Variants in CDKL5 observed in about 807,000 individuals in gnomAD.
CDKL5 encodes cyclin-dependent kinase-like 5.
CDKL5 carries 8 observed loss-of-function variants against 61.7 expected under a neutral mutation model. The ratio of observed to expected loss-of-function variants is 0.13; its 90% CI spans 0.08 to 0.23. The LOEUF (loss-of-function observed/expected upper bound fraction) is 0.23, where lower values mean the gene tolerates loss of function less well. Ranked by LOEUF, CDKL5 falls within the 10% of genes least tolerant of loss-of-function variation. CDKL5 has a pLI of 1.00. For synonymous variants in CDKL5, 275 were observed against 272.3 expected, an observed-to-expected ratio of 1.01 and a Z score of -0.10; for missense variants, 440 against 734.5, an observed-to-expected ratio of 0.60 and a Z score of 4.63.
chrX:18,617,096 G>A (rs747628218), intron 15 of CDKL5, among the ~76,000 whole-genome samples: 1 of 112,275 alleles, frequency 8.9e-6, no homozygotes, highest in South Asian at 3.7e-4. Flanking sequence ...AGTACTTGCT[G>A]AATGTTGGTT....
At chrX:18,495,093 A>C (rs919114889) in intron 1 of CDKL5, among the ~76,000 whole-genome samples, 1 of 112,371 alleles carries the variant, frequency 8.9e-6, no homozygotes, top group African/African-American at 3.2e-5. Context: ...CAACCATTTG[A>C]ACTCTCTTAT....
intron 2 of CDKL5, 147 bp from the exon 3 acceptor site, chrX:18,510,673 C>T: frequency 6.3e-6 from 3 of 474,273 alleles, no homozygotes; most frequent in Non-Finnish European, 1.1e-5. Flanking sequence ...AAGTATGTTC[C>T]ATTTGTATGT....
At chrX:18,623,159 G>A (rs754160474) in intron 16 of CDKL5, among the ~76,000 whole-genome samples, 26 of 112,356 alleles carry the variant, frequency 2.3e-4, no homozygotes, top group Non-Finnish European at 2.1e-4. Flanking sequence ...AGAGCATATG[G>A]TGACTTTGCC....
At chrX:18,439,848 A>T (rs1931698233) in intron 1 of CDKL5, among the ~76,000 whole-genome samples, 1 of 110,416 alleles carries the variant, frequency 9.1e-6, no homozygotes, top group Non-Finnish European at 1.9e-5. Flanking sequence ...AAAAAAAAAA[A>T]AAAAAGCTTT....
chrX:18,509,197 G>GCGCACGCGCGCACACA, intron 2 of CDKL5, among the ~76,000 whole-genome samples: 1 of 64,308 alleles, frequency 1.6e-5, no homozygotes, highest in South Asian at 1.1e-3. Flanking sequence ...CTCAAAACAC[G>GCGCACGCGCGCACACA]CACACACACA....
intron 4 of CDKL5, among the ~76,000 whole-genome samples, chrX:18,570,844 T>C (rs922786024): frequency 2.7e-5 from 3 of 112,196 alleles, no homozygotes; most frequent in African/African-American, 6.5e-5. Context: ...TTAGGTGTGT[T>C]AACTTGCCTT....
intron 9 of CDKL5, among the ~76,000 whole-genome samples, chrX:18,593,892 C>G (rs893658370): frequency 8.9e-6 from 1 of 112,016 alleles, no homozygotes; most frequent in Non-Finnish European, 1.9e-5. Context: ...TCAGATATTA[C>G]CTATGGGTTC....
chrX:18,430,595 C>T (rs1488369745), intron 1 of CDKL5, among the ~76,000 whole-genome samples: 1 of 111,062 alleles, frequency 9.0e-6, no homozygotes, highest in Admixed American at 9.6e-5. Context: ...AGGTGCATGC[C>T]ACCATGCCCA....
chrX:18,624,496 G>T (rs1926978274), intron 16 of CDKL5, among the ~76,000 whole-genome samples: 1 of 111,807 alleles, frequency 8.9e-6, no homozygotes, highest in Non-Finnish European at 1.9e-5. Context: ...CTTTTGCTTG[G>T]CATTTGACAT....
chrX:18,626,938 C>CG (rs1927082615), intron 17 of CDKL5: 1 of 108,388 alleles, frequency 9.2e-6, no homozygotes, highest in Non-Finnish European at 1.9e-5. Flanking sequence ...TTTATAGAGA[C>CG]GGGGTCTCGC....
chrX:18,526,859 C>T (rs1923461158), intron 3 of CDKL5, among the ~76,000 whole-genome samples: 1 of 109,635 alleles, frequency 9.1e-6, no homozygotes, highest in African/African-American at 3.3e-5. Context: ...TCTCAGCTCA[C>T]CGCAACCTCC....
intron 1 of CDKL5, among the ~76,000 whole-genome samples, chrX:18,473,183 T>A (rs1051898417): frequency 6.4e-5 from 7 of 109,938 alleles, no homozygotes; most frequent in Admixed American, 5.9e-4. Context: ...GATCTCGAGC[T>A]CCTGACTTGA....
At position 18,640,052 on chromosome X, in the gene CDKL5, T is replaced by A. The variant is rs1927510995; in HGVS notation, c.*11295T>A. On this transcript the variant is annotated 3_prime_UTR_variant, in exon 18 of 18. Transcript: ENST00000623535. ...ATGGGTGCAGGATTTCTCTTTGGGG[T>A]GATAAACTTTCTAAAATTGATCTAG... The A allele has an allele frequency of 9.0e-6, 1 of 111,310 alleles. No homozygotes were observed. The highest frequency in any genetic ancestry group is 1.9e-5 in the Non-Finnish European group (1 of 53,044). 9.2% of individuals were successfully genotyped at this position (111,310 alleles called of 1,213,427 possible).
intron 4 of CDKL5, among the ~76,000 whole-genome samples, chrX:18,568,445 G>A (rs771737167): frequency 1.6e-3 from 174 of 111,896 alleles, no homozygotes; most frequent in African/African-American, 5.4e-3. Flanking sequence ...TGGATAAAAT[G>A]AAACTAAAAT....
At chrX:18,506,454 C>G (rs927988381) in intron 1 of CDKL5, among the ~76,000 whole-genome samples, 2 of 111,875 alleles carry the variant, frequency 1.8e-5, no homozygotes, top group Non-Finnish European at 3.8e-5. Flanking sequence ...ACTCCAACTC[C>G]AAGCCTTCTC....
intron 1 of CDKL5, among the ~76,000 whole-genome samples, chrX:18,453,724 A>G (rs1932074616): frequency 9.0e-6 from 1 of 111,710 alleles, no homozygotes; most frequent in African/African-American, 3.3e-5. Context: ...TTTGTTTCAC[A>G]TACTTTGACT....
intron 1 of CDKL5, 39 bp from the exon 2 acceptor site, chrX:18,506,896 A>G (rs1182352106): frequency 2.4e-6 from 1 of 422,181 alleles, no homozygotes; most frequent in African/African-American, 2.4e-5. Context: ...TACTGCAAAT[A>G]TAAAACTTAC....
intron 9 of CDKL5, among the ~76,000 whole-genome samples, chrX:18,592,849 G>T (rs1925872956): frequency 8.9e-6 from 1 of 112,137 alleles, no homozygotes; most frequent in Admixed American, 9.5e-5. Flanking sequence ...TAGTTGTGTA[G>T]AGACAGGAAA....
intron 1 of CDKL5, among the ~76,000 whole-genome samples, chrX:18,429,849 G>T (rs916670506): frequency 1.8e-5 from 2 of 111,716 alleles, no homozygotes; most frequent in East Asian, 5.6e-4. Context: ...TGTTGCTCAG[G>T]CTGGTCTTGA....
Sources: allele counts gnomAD v4.1 joint callset (sites outside exome capture counted in the v4.1 genomes callset), GRCh38; gene constraint gnomAD v4.1.1; transcripts MANE v1.5; gene names NCBI Gene and HGNC (gene_info 2026-07-23, HGNC 2026-07-21).